IQCH: variants seen among roughly 807,000 people sequenced by gnomAD.
IQCH encodes the protein IQ motif containing H.
Under a neutral mutation model 117.0 loss-of-function variants are expected in IQCH, and 98 were observed. The ratio of observed to expected loss-of-function variants is 0.84; its 90% CI spans 0.71 to 0.99. IQCH has a LOEUF of 0.99. Ranked by LOEUF, IQCH falls within the 50% of genes least tolerant of loss-of-function variation. The probability of loss-of-function intolerance (pLI) is 0.00; values close to 1 mark genes in which losing one functional copy is unlikely to be tolerated. For missense variants in IQCH, 1,102 were observed against 1,243.8 expected, an observed-to-expected ratio of 0.89 and a Z score of 1.72; for synonymous variants, 412 against 448.2, an observed-to-expected ratio of 0.92 and a Z score of 1.02.
intron 12 of IQCH, 70 bp downstream of exon 12, chr15:67,389,076 G>T (rs565195505): frequency 4.1e-6 from 5 of 1,205,912 alleles, no homozygotes; most frequent in Non-Finnish European, 6.0e-6. Flanking sequence ...TTAATAACTT[G>T]CAACGCTCTG....
chr15:67,446,304 A>G (rs1166482748), intron 16 of IQCH, among the ~76,000 whole-genome samples: 2 of 152,244 alleles, frequency 1.3e-5, no homozygotes, highest in Non-Finnish European at 2.9e-5. Flanking sequence ...TAACAGGTAG[A>G]GCTAAAACTA....
At chr15:67,282,246 GTCC>G (rs1966389469) in intron 4 of IQCH, 1 of 152,108 alleles carries the variant, frequency 6.6e-6, no homozygotes, top group Admixed American at 6.5e-5. Context: ...TCCATAGTTG[GTCC>G]CCCAGACCAG....
chr15:67,306,193 G>A (rs1967284106), intron 4 of IQCH, among the ~76,000 whole-genome samples: 1 of 152,116 alleles, frequency 6.6e-6, no homozygotes, highest in African/African-American at 2.4e-5. Context: ...TAAAACAGAA[G>A]CATTGTGCAA....
At chr15:67,331,317 C>A (rs917864816) in intron 4 of IQCH, among the ~76,000 whole-genome samples, 1 of 151,742 alleles carries the variant, frequency 6.6e-6, no homozygotes, top group African/African-American at 2.4e-5. Flanking sequence ...TTAAAGAGAA[C>A]ATAAATTAAT....
intron 15 of IQCH, among the ~76,000 whole-genome samples, chr15:67,419,115 G>A (rs1165777860): frequency 6.6e-6 from 1 of 152,030 alleles, no homozygotes; most frequent in African/African-American, 2.4e-5. Context: ...TCTTTATCCT[G>A]CTTTCTCAGC....
chr15:67,330,066 C>T (rs1002670436), intron 4 of IQCH, among the ~76,000 whole-genome samples: 3 of 142,330 alleles, frequency 2.1e-5, no homozygotes, highest in Non-Finnish European at 4.7e-5. Flanking sequence ...CTTGTGATCT[C>T]CGGTGGCTAC....
chr15:67,296,144 T>G (rs1291491150), intron 4 of IQCH, among the ~76,000 whole-genome samples: 1 of 152,232 alleles, frequency 6.6e-6, no homozygotes, highest in African/African-American at 2.4e-5. Context: ...CTGTCCTGTT[T>G]CTAAAACCTA....
At chr15:67,282,492 A>G (rs1966399703) in intron 4 of IQCH, among the ~76,000 whole-genome samples, 1 of 152,044 alleles carries the variant, frequency 6.6e-6, no homozygotes. Context: ...GGCATGGACT[A>G]TTTCCTACCC....
At chr15:67,320,412 T>C (rs1968060922) in intron 4 of IQCH, among the ~76,000 whole-genome samples, 2 of 152,180 alleles carry the variant, frequency 1.3e-5, no homozygotes, top group Admixed American at 1.3e-4. Flanking sequence ...TTTCTTCTCA[T>C]GTGGTATCAA....
intron 10 of IQCH, among the ~76,000 whole-genome samples, chr15:67,377,194 A>G (rs759855190): frequency 6.6e-6 from 1 of 152,052 alleles, no homozygotes; most frequent in Admixed American, 6.5e-5. Context: ...TATTTCAGAT[A>G]GTATTCCTAG....
At chr15:67,331,652 C>T (rs1968671774) in intron 4 of IQCH, among the ~76,000 whole-genome samples, 1 of 152,146 alleles carries the variant, frequency 6.6e-6, no homozygotes, top group Non-Finnish European at 1.5e-5. Context: ...GTGTATTTCT[C>T]ATTCTCAAAA....
intron 16 of IQCH, among the ~76,000 whole-genome samples, chr15:67,423,359 A>G (rs1002583993): frequency 3.3e-5 from 5 of 152,134 alleles, no homozygotes; most frequent in Non-Finnish European, 5.9e-5. Flanking sequence ...TGACCCCAGG[A>G]GTTCAGGACC....
intron 6 of IQCH, among the ~76,000 whole-genome samples, chr15:67,347,310 C>G (rs1969441779): frequency 6.6e-6 from 1 of 151,456 alleles, no homozygotes; most frequent in African/African-American, 2.4e-5. Context: ...AGAGAGAAGG[C>G]ACAAATGACC....
chr15:67,261,457 A>G, intron 2 of IQCH, 63 bp downstream of exon 2: 4 of 1,405,314 alleles, frequency 2.8e-6, no homozygotes, highest in Non-Finnish European at 2.9e-6. Context: ...GAAGAAAGGA[A>G]TTGCAGTTCT....
Position 67,376,959 on chromosome 15 carries a change from A to C in IQCH, c.1372+3526A>C, listed in dbSNP as rs570238486. Among the ~76,000 whole-genome samples the C allele has an allele frequency of 6.6e-6, 1 of 152,056 alleles. No homozygotes were observed. The highest frequency in any genetic ancestry group is 1.5e-5 in the Non-Finnish European group (1 of 68,006). The stretch of plus-strand genomic sequence containing the variant: ...TGGTGAAACCCCGTCTCTACTAAAA[A>C]TACAAAAATTAGCTGGGTGTGGTGG... On this transcript the variant is annotated intron_variant, in intron 10 of 20. Coordinates refer to ENST00000335894, the MANE Select transcript of IQCH (RefSeq NM_001031715.3). The surrounding 1 kb of genome is among the most constrained non-coding windows in gnomAD (Gnocchi z 5.0).
Position 67,376,737 on chromosome 15 carries a change from C to A in IQCH, c.1372+3304C>A, listed in dbSNP as rs1596283421. ...GATGGCCTTTCAGTAATGTTTTTGA[C>A]CACAAAATATTTATAAAGTATTTTA... On this transcript the variant is annotated intron_variant, in intron 10 of 20. Transcript: ENST00000335894. This position sits in a 1 kb window ranked among gnomAD's most constrained non-coding sequence, Gnocchi z 5.0. Among the ~76,000 whole-genome samples the A allele has an allele frequency of 6.6e-6, 1 of 152,178 alleles. No individual in the cohort carries two copies. Among genetic ancestry groups the A allele is most frequent in the South Asian group, 2.1e-4 (1 of 4,806 alleles).
chr15:67,395,284 C>A lies in IQCH; in HGVS notation c.1633-7C>A. ...CTTTTAACAAGAATAATATGATCTT[C>A]CCCCAGAAGCATCATATGTGCCTGG... On this transcript the variant is annotated splice_region_variant and splice_polypyrimidine_tract_variant and intron_variant, in intron 12 of 20. Coordinates refer to ENST00000335894, the MANE Select transcript of IQCH (RefSeq NM_001031715.3). This position sits in a 1 kb window ranked among gnomAD's most constrained non-coding sequence, Gnocchi z 4.0. 1 of 1,607,656 alleles carries A rather than the reference C, an allele frequency of 6.2e-7. No homozygotes were observed.
chr15:67,437,758 A>C (rs1049191023), intron 16 of IQCH, among the ~76,000 whole-genome samples: 2 of 152,206 alleles, frequency 1.3e-5, no homozygotes, highest in Non-Finnish European at 2.9e-5. Flanking sequence ...AATGCTCTGG[A>C]AAGTCTCAGC....
rs1348162750 is a variant in IQCH, at chr15:67,465,213, T to C, written c.2592T>C (p.Asp864=). The change falls in exon 17 of 21, where the codon GAT becomes GAC. Residue 864 remains aspartate (D), a synonymous_variant. Coordinates refer to ENST00000335894, the MANE Select transcript of IQCH (RefSeq NM_001031715.3). The surrounding 1 kb of genome is among the most constrained non-coding windows in gnomAD (Gnocchi z 5.9). ...TATACCTGACAAACGGCCATCTGGA[T>C]TGCAGTTTGAGCACCCTGGAAGTGC... ...LTLYLTNGHL[D]CSLSTLEVPR... The C allele has an allele frequency of 1.2e-6, 2 of 1,614,146 alleles. No individual in the cohort carries two copies. The highest frequency in any genetic ancestry group is 1.7e-6 in the Non-Finnish European group (2 of 1,180,024).
Sources: allele counts gnomAD v4.1 joint callset (sites outside exome capture counted in the v4.1 genomes callset), GRCh38; gene constraint gnomAD v4.1.1; non-coding constraint Gnocchi (gnomAD v3.1); transcripts MANE v1.5; gene names NCBI Gene and HGNC (gene_info 2026-07-23, HGNC 2026-07-21).